Variants in DCC observed in about 807,000 individuals in gnomAD.
The protein encoded by DCC is netrin receptor DCC.
DCC carries 58 observed loss-of-function variants against 172.5 expected under a neutral mutation model. The ratio of observed to expected loss-of-function variants is 0.34; its 90% confidence interval spans 0.27 to 0.42. The LOEUF (loss-of-function observed/expected upper bound fraction) is 0.42, where lower values mean the gene tolerates loss of function less well. DCC is among the 10% of genes least tolerant of loss of function. DCC has a pLI of 1.00. For synonymous variants in DCC, 709 were observed against 644.5 expected, an observed-to-expected ratio of 1.10 and a Z score of -1.52; for missense variants, 1,740 against 1,791.0, an observed-to-expected ratio of 0.97 and a Z score of 0.51.
intron 12 of DCC, among the ~76,000 whole-genome samples, chr18:53,301,171 C>A (rs184911125): frequency 2.5e-4 from 37 of 150,324 alleles, no homozygotes; most frequent in Middle Eastern, 3.4e-3. Flanking sequence ...CTCACTGCAA[C>A]CTCCACCTTC....
intron 17 of DCC, among the ~76,000 whole-genome samples, chr18:53,393,795 C>T (rs370526105): frequency 2.2e-4 from 34 of 152,252 alleles, no homozygotes; most frequent in Middle Eastern, 3.4e-3. Flanking sequence ...TACTGAATCT[C>T]ACAAAGAGTG....
At chr18:53,374,274 C>A (rs2058088096) in intron 15 of DCC, among the ~76,000 whole-genome samples, 1 of 152,186 alleles carries the variant, frequency 6.6e-6, no homozygotes, top group African/African-American at 2.4e-5. Flanking sequence ...AAAACTTCAT[C>A]ATCACAGAAG....
chr18:53,022,729 G>A (rs751982078), intron 5 of DCC, among the ~76,000 whole-genome samples: 3 of 151,910 alleles, frequency 2.0e-5, no homozygotes, highest in Non-Finnish European at 4.4e-5. Context: ...ATGATGCAGA[G>A]AATTGTCAAA....
intron 27 of DCC, among the ~76,000 whole-genome samples, chr18:53,520,579 C>T (rs1477239159): frequency 6.6e-6 from 1 of 151,866 alleles, no homozygotes; most frequent in East Asian, 1.9e-4. Flanking sequence ...GCTACAAGCA[C>T]TTAAGGAAAA....
chr18:52,491,405 C>T (rs917187133), intron 1 of DCC, among the ~76,000 whole-genome samples: 9 of 151,980 alleles, frequency 5.9e-5, no homozygotes, highest in African/African-American at 2.2e-4. Context: ...ATGGGGTGAC[C>T]TGGACATAAT....
At chr18:52,718,096 T>A (rs1338524131) in intron 1 of DCC, among the ~76,000 whole-genome samples, 1 of 152,208 alleles carries the variant, frequency 6.6e-6, no homozygotes, top group African/African-American at 2.4e-5. Context: ...AGTTTCTGTT[T>A]GTCATCTGAA....
At chr18:53,197,311 G>A (rs1300407120) in intron 9 of DCC, among the ~76,000 whole-genome samples, 1 of 151,360 alleles carries the variant, frequency 6.6e-6, no homozygotes, top group African/African-American at 2.4e-5. Flanking sequence ...TAAAGGGATA[G>A]AATCAGCCAC....
chr18:52,632,693 G>A (rs2034699582), intron 1 of DCC, among the ~76,000 whole-genome samples: 1 of 152,142 alleles, frequency 6.6e-6, no homozygotes, highest in Non-Finnish European at 1.5e-5. Context: ...CTGATCATGA[G>A]CATTCCTGTG....
At chr18:53,066,249 C>A (rs1383329230) in intron 7 of DCC, 83 bp downstream of exon 7, 3 of 1,351,934 alleles carry the variant, frequency 2.2e-6, no homozygotes, top group Non-Finnish European at 3.2e-6. Context: ...GTTTTTCCTA[C>A]CCCTCAAGGG....
At chr18:53,181,024 A>C (rs2055188345) in intron 9 of DCC, among the ~76,000 whole-genome samples, 1 of 152,200 alleles carries the variant, frequency 6.6e-6, no homozygotes, top group Non-Finnish European at 1.5e-5. Flanking sequence ...ATTAGGTTTT[A>C]CATATATATA....
At chr18:52,575,571 T>C (rs903703164) in intron 1 of DCC, among the ~76,000 whole-genome samples, 2 of 152,196 alleles carry the variant, frequency 1.3e-5, no homozygotes, top group African/African-American at 4.8e-5. Flanking sequence ...TTTCCTACCA[T>C]TCTTTGACTA....
At chr18:53,426,016 A>G (rs946253525) in intron 21 of DCC, among the ~76,000 whole-genome samples, 2 of 151,748 alleles carry the variant, frequency 1.3e-5, no homozygotes, top group Non-Finnish European at 2.9e-5. Context: ...GAGTTTTATT[A>G]TTGTACCTCT....
chr18:52,463,974 G>T (rs1988707395), intron 1 of DCC, among the ~76,000 whole-genome samples: 2 of 152,150 alleles, frequency 1.3e-5, no homozygotes, highest in Admixed American at 6.5e-5. Context: ...TCCCTTCACA[G>T]TAGCCATTCA....
At chr18:53,410,361 T>C (rs192656504) in intron 19 of DCC, 91 bp from the exon 20 acceptor site, 10 of 801,306 alleles carry the variant, frequency 1.2e-5, no homozygotes, top group Admixed American at 1.2e-4. Flanking sequence ...ATAATAATTA[T>C]TGTAAATTAC....
At chr18:52,548,680 C>T (rs1485410426) in intron 1 of DCC, among the ~76,000 whole-genome samples, 2 of 152,108 alleles carry the variant, frequency 1.3e-5, no homozygotes, top group Admixed American at 6.6e-5. Flanking sequence ...TCAGCGAAAT[C>T]TCCCAGAACC....
At chr18:52,929,025 A>G (rs1266300645) in intron 5 of DCC, among the ~76,000 whole-genome samples, 1 of 152,056 alleles carries the variant, frequency 6.6e-6, no homozygotes, top group African/African-American at 2.4e-5. Context: ...GTTATCTGTC[A>G]TGTATCCTGA....
intron 2 of DCC, among the ~76,000 whole-genome samples, chr18:52,860,039 A>C (rs970827386): frequency 1.3e-5 from 2 of 152,240 alleles, no homozygotes; most frequent in South Asian, 2.1e-4. Flanking sequence ...CCATTCTAGC[A>C]GGTGCATTGC....
intron 22 of DCC, 75 bp downstream of exon 22, chr18:53,435,284 T>C: frequency 1.0e-6 from 1 of 967,676 alleles, no homozygotes; most frequent in Non-Finnish European, 1.7e-6. Flanking sequence ...CTGGGGCAAA[T>C]TTTCTATCAA....
At chr18:52,360,655 T>C (rs778128372) in intron 1 of DCC, among the ~76,000 whole-genome samples, 8 of 152,170 alleles carry the variant, frequency 5.3e-5, no homozygotes, top group Non-Finnish European at 1.0e-4. Context: ...AATTTTCTCT[T>C]AAAGAGATGG....
Sources: allele counts gnomAD v4.1 joint callset (sites outside exome capture counted in the v4.1 genomes callset), GRCh38; gene constraint gnomAD v4.1.1; transcripts MANE v1.5; gene names NCBI Gene and HGNC (gene_info 2026-07-23, HGNC 2026-07-21).